Variants in DLGAP2 observed in about 807,000 individuals in gnomAD.
The protein encoded by DLGAP2 is disks large-associated protein 2.
In DLGAP2, 26 loss-of-function variants were observed where a neutral mutation model predicts 100.3. The observed-to-expected ratio is 0.26, with a 90% CI of 0.19 to 0.36. The LOEUF (loss-of-function observed/expected upper bound fraction) is 0.36, where lower values mean the gene tolerates loss of function less well. Ranked by LOEUF, DLGAP2 falls within the 10% of genes least tolerant of loss-of-function variation. DLGAP2 has a pLI of 1.00. For synonymous variants in DLGAP2, 886 were observed against 630.1 expected, an observed-to-expected ratio of 1.41 and a Z score of -6.08; for missense variants, 1,858 against 1,453.2, an observed-to-expected ratio of 1.28 and a Z score of -4.53.
chr8:1,257,331 C>T (rs1322295327), intron 2 of DLGAP2, among the ~76,000 whole-genome samples: 1 of 152,118 alleles, frequency 6.6e-6, no homozygotes, highest in East Asian at 1.9e-4. Flanking sequence ...GCCTCAGAAT[C>T]CCTTGTTGCC....
chr8:784,237 C>T (rs889164547), intron 1 of DLGAP2, among the ~76,000 whole-genome samples: 2 of 152,126 alleles, frequency 1.3e-5, no homozygotes, highest in Non-Finnish European at 2.9e-5. Flanking sequence ...TTTAGGGTCA[C>T]CTATAAAACT....
At chr8:1,207,667 A>G (rs910402707) in intron 2 of DLGAP2, among the ~76,000 whole-genome samples, 25 of 152,206 alleles carry the variant, frequency 1.6e-4, no homozygotes, top group Admixed American at 1.5e-3. Flanking sequence ...TGGTTGTACT[A>G]GTTTACATTC....
At chr8:1,335,143 C>G in intron 3 of DLGAP2, among the ~76,000 whole-genome samples, 1 of 152,126 alleles carries the variant, frequency 6.6e-6, no homozygotes, top group Admixed American at 6.5e-5. Context: ...GAGTCACTGC[C>G]CAGATAATTT....
chr8:1,387,123 A>G (rs1352716150), intron 3 of DLGAP2, among the ~76,000 whole-genome samples: 1 of 152,192 alleles, frequency 6.6e-6, no homozygotes, highest in Non-Finnish European at 1.5e-5. Context: ...AAAACAGCAG[A>G]GCCGTCGTGA....
At chr8:1,045,635 A>G (rs1461709274) in intron 2 of DLGAP2, among the ~76,000 whole-genome samples, 1 of 151,798 alleles carries the variant, frequency 6.6e-6, no homozygotes, top group Non-Finnish European at 1.5e-5. Flanking sequence ...GACCTCCCCA[A>G]CCGCGCCCCC....
chr8:996,067 A>C (rs1050981236), intron 2 of DLGAP2, among the ~76,000 whole-genome samples: 11 of 152,198 alleles, frequency 7.2e-5, no homozygotes, highest in African/African-American at 1.2e-4. Flanking sequence ...GGAGAAATCC[A>C]ACCACAACAC....
chr8:1,434,107 G>A (rs536373061), intron 3 of DLGAP2, among the ~76,000 whole-genome samples: 1 of 152,264 alleles, frequency 6.6e-6, no homozygotes, highest in South Asian at 2.1e-4. Context: ...CTTTGCAGGT[G>A]GAGCATGGAG....
intron 3 of DLGAP2, among the ~76,000 whole-genome samples, chr8:1,466,370 T>C (rs1014542153): frequency 6.6e-6 from 1 of 152,012 alleles, no homozygotes; most frequent in East Asian, 1.9e-4. Flanking sequence ...CAGGAGACAT[T>C]TCCCCCCTCC....
chr8:835,062 T>C (rs1338191213), intron 1 of DLGAP2, among the ~76,000 whole-genome samples: 1 of 152,148 alleles, frequency 6.6e-6, no homozygotes, highest in Non-Finnish European at 1.5e-5. Context: ...CACGTGTTAG[T>C]GTGCATGTAC....
rs191256349 is a variant in DLGAP2, at chr8:1,671,765, C to T, written c.2202+1981C>T. On this transcript the variant is annotated intron_variant, in intron 10 of 14. Coordinates refer to ENST00000637795, the MANE Select transcript of DLGAP2 (RefSeq NM_001346810.2). ...CCCCTGTTCCTCAGATGTCTGGCCC[C>T]GGCCACCTGAGTCTGGCCCTTACAG... 1.4e-4 allele frequency among the ~76,000 whole-genome samples: 22 copies of T among 152,328 alleles called. No homozygotes were observed. The East Asian group carries it at 2.9e-3, about 20-fold the overall frequency.
intron 4 of DLGAP2, among the ~76,000 whole-genome samples, chr8:1,530,709 G>A (rs1053264831): frequency 6.6e-6 from 1 of 152,224 alleles, no homozygotes; most frequent in South Asian, 2.1e-4. Flanking sequence ...AAATGTCCAT[G>A]AAATCTTCAC....
chr8:1,327,582 T>C (rs1300875972), intron 3 of DLGAP2, among the ~76,000 whole-genome samples: 1 of 152,196 alleles, frequency 6.6e-6, no homozygotes, highest in Non-Finnish European at 1.5e-5. Flanking sequence ...TGGTGGCTCA[T>C]GCCTGTAATC....
chr8:1,392,814 T>C (rs1796400584), intron 3 of DLGAP2, among the ~76,000 whole-genome samples: 1 of 151,248 alleles, frequency 6.6e-6, no homozygotes. Flanking sequence ...CCTGGGCATC[T>C]GTGATTGGAC....
intron 1 of DLGAP2, chr8:822,290 G>C (rs1268676073): frequency 1.0e-5 from 4 of 399,058 alleles, no homozygotes; most frequent in African/African-American, 8.2e-5. Context: ...GCTCCACCCG[G>C]GGAGGGGCAC....
rs144592588 is a variant in DLGAP2, at chr8:1,501,310, G to T, written c.107-56G>T. ...AGGGTTTTGAAGATGTGCAGGGAAT[G>T]ACTGCAGTCTACACCAGAAACGCAT... On this transcript the variant is annotated intron_variant, in intron 3 of 14. Coordinates refer to ENST00000637795, the MANE Select transcript of DLGAP2 (RefSeq NM_001346810.2). 616 of 1,511,438 alleles carry T rather than the reference G, an allele frequency of 4.1e-4. 3 individuals carry two copies. In the African/African-American group the frequency reaches 7.2e-3, roughly 18 times the overall value. 93.6% of individuals were successfully genotyped at this position (1,511,438 alleles called of 1,614,324 possible). A position where few individuals can be genotyped will look rare whatever the true frequency, so the allele number is the denominator to read the frequency against.
chr8:1,666,910 C>T (rs1293133356), intron 8 of DLGAP2, among the ~76,000 whole-genome samples: 1 of 152,160 alleles, frequency 6.6e-6, no homozygotes, highest in Non-Finnish European at 1.5e-5. Flanking sequence ...CCACCTGCAG[C>T]AGCCGGCAGC....
chr8:1,098,517 TG>T (rs1333325774), intron 2 of DLGAP2, among the ~76,000 whole-genome samples: 1 of 152,088 alleles, frequency 6.6e-6, no homozygotes, highest in Non-Finnish European at 1.5e-5. Flanking sequence ...CAGTGTTTGT[TG>T]GGCTTCAGGG....
intron 2 of DLGAP2, among the ~76,000 whole-genome samples, chr8:1,218,420 G>A (rs1379118369): frequency 6.6e-6 from 1 of 152,020 alleles, no homozygotes; most frequent in Non-Finnish European, 1.5e-5. Flanking sequence ...TTTATTTGGG[G>A]GTTCTCTATC....
intron 8 of DLGAP2, among the ~76,000 whole-genome samples, chr8:1,657,468 A>G (rs995570386): frequency 6.6e-6 from 1 of 152,236 alleles, no homozygotes; most frequent in Non-Finnish European, 1.5e-5. Context: ...ATTTTTCTCT[A>G]ATGTGTAAAA....
Sources: allele counts gnomAD v4.1 joint callset (sites outside exome capture counted in the v4.1 genomes callset), GRCh38; gene constraint gnomAD v4.1.1; transcripts MANE v1.5; gene names NCBI Gene and HGNC (gene_info 2026-07-23, HGNC 2026-07-21).